Variants in ZNF627 observed in about 807,000 individuals in gnomAD.
ZNF627 encodes the protein zinc finger protein 627.
A neutral mutation model predicts 10.6 loss-of-function variants in ZNF627; 12 were observed. The observed-to-expected ratio is 1.13, with a 90% CI of 0.73 to 1.84. The LOEUF (loss-of-function observed/expected upper bound fraction) is 1.84. Among genes scored for constraint, ZNF627 ranks in the 40% most tolerant of loss-of-function variants. ZNF627 has a pLI of 0.00. For missense variants in ZNF627, 504 were observed against 568.4 expected, an observed-to-expected ratio of 0.89 and a Z score of 1.15; for synonymous variants, 176 against 187.1, an observed-to-expected ratio of 0.94 and a Z score of 0.48.
intron 1 of ZNF627, among the ~76,000 whole-genome samples, chr19:11,600,085 A>G (rs886590059): frequency 1.3e-5 from 2 of 152,186 alleles, no homozygotes; most frequent in African/African-American, 4.8e-5. Context: ...CAGTTTTGCA[A>G]AGAGGCAAGA....
rs949107495 is a variant in ZNF627, at chr19:11,617,256, T to G, written c.753T>G (p.Tyr251Ter). The change falls in exon 4 of 4, where the codon TAT becomes TAG. Residue 251 changes from tyrosine (Y) to a stop codon, truncating the protein, a stop_gained. Transcript: ENST00000361113. LOFTEE classifies it low-confidence loss of function (END_TRUNC). ...GGACTCACACTGGAGATAAACCCTA[T>G]GAATGCAAGCAGTGTGGGAAAGCTT... The part of the protein sequence containing the change: ...HERTHTGDKP[Y>*]ECKQCGKAFS... 3 of 1,613,662 alleles carry G rather than the reference T, an allele frequency of 1.9e-6. No homozygotes were observed. Among genetic ancestry groups the G allele is most frequent in the Admixed American group, 1.7e-5 (1 of 59,946 alleles).
chr19:11,609,472 TA>T (rs1973730454), intron 1 of ZNF627, among the ~76,000 whole-genome samples: 1 of 1,522 alleles, frequency 6.6e-4, no homozygotes, highest in South Asian at 0.042. Context: ...TAAAAAATTT[TA>T]TATATATATA....
chr19:11,609,515 A>ATG lies in ZNF627; in HGVS notation c.4-5011_4-5010insGT, dbSNP rs1338847516. On this transcript the variant is annotated intron_variant, in intron 1 of 3. Transcript: ENST00000361113. ...TATATATATATATATATATATATAT[A>ATG]TATGTATTTTTTCCCCCCCGAGACT... Among the ~76,000 whole-genome samples, 43 of 92,962 alleles carry ATG rather than the reference A, an allele frequency of 4.6e-4. 1 individual carries two copies. Among genetic ancestry groups the ATG allele is most frequent in the African/African-American group, 1.4e-3 (33 of 23,844 alleles). The allele number at this position is 92,962 out of a possible 152,430, so 61.0% of individuals were successfully genotyped here. A position where few individuals can be genotyped will look rare whatever the true frequency, so the allele number is the denominator to read the frequency against.
intron 1 of ZNF627, among the ~76,000 whole-genome samples, chr19:11,602,945 T>C (rs530781094): frequency 1.6e-4 from 24 of 152,306 alleles, no homozygotes; most frequent in African/African-American, 5.1e-4. Flanking sequence ...TTCTGGTATG[T>C]CCTGATCTTG....
At chr19:11,606,821 GTGGCT>G (rs1973683710) in intron 1 of ZNF627, among the ~76,000 whole-genome samples, 1 of 152,218 alleles carries the variant, frequency 6.6e-6, no homozygotes, top group South Asian at 2.1e-4. Flanking sequence ...GGCAGCTGCT[GTGGCT>G]TGGGGCTTGC....
At chr19:11,597,658 G>C in intron 1 of ZNF627, 28 bp downstream of exon 1, 1 of 1,338,220 alleles carries the variant, frequency 7.5e-7, no homozygotes. Flanking sequence ...GGCGTCCCCA[G>C]ACCTGGGGGA....
rs1973508875 is a variant in ZNF627, at chr19:11,597,552, C to T, written c.-76C>T. 1 of 1,294,804 alleles carries T rather than the reference C, an allele frequency of 7.7e-7. No homozygotes were observed. The highest frequency in any genetic ancestry group is 9.9e-7 in the Non-Finnish European group (1 of 1,011,492). The allele number at this position is 1,294,804 out of a possible 1,614,324, so 80.2% of individuals were successfully genotyped here. On this transcript the variant is annotated 5_prime_UTR_variant, in exon 1 of 4. Transcript: ENST00000361113. ...CGAGAGGCCCAAGGTGTCTCCGCCG[C>T]AGCCTCTGTCGCGCCGTGACCTGTA...
chr19:11,614,408 G>A, intron 1 of ZNF627, 119 bp from the exon 2 acceptor site: 1 of 1,488,686 alleles, frequency 6.7e-7, no homozygotes. Context: ...TGATGACTGT[G>A]GAATCTTGAA....
chr19:11,599,153 C>T (rs1401947458), intron 1 of ZNF627, among the ~76,000 whole-genome samples: 3 of 152,236 alleles, frequency 2.0e-5, no homozygotes, highest in African/African-American at 7.2e-5. Context: ...AGGATGCCCA[C>T]AGCAGCCAGA....
At chr19:11,597,718 C>A (rs1973514521) in intron 1 of ZNF627, 88 bp downstream of exon 1, 3 of 1,274,560 alleles carry the variant, frequency 2.4e-6, no homozygotes, top group African/African-American at 1.5e-5. Context: ...CCTAGGCCTC[C>A]CTGCGGCGAC....
intron 1 of ZNF627, 37 bp downstream of exon 1, chr19:11,597,667 G>T: frequency 7.5e-7 from 1 of 1,337,524 alleles, no homozygotes; most frequent in Admixed American, 3.0e-5. Context: ...AGACCTGGGG[G>T]AGGGGCTGGT....
intron 1 of ZNF627, among the ~76,000 whole-genome samples, chr19:11,609,046 T>A (rs986329707): frequency 9.9e-5 from 15 of 152,026 alleles, no homozygotes; most frequent in African/African-American, 3.6e-4. Context: ...AATATTTGTA[T>A]TTTTTGTAGA....
At chr19:11,607,453 C>G (rs1159100410) in intron 1 of ZNF627, among the ~76,000 whole-genome samples, 2 of 152,030 alleles carry the variant, frequency 1.3e-5, no homozygotes, top group African/African-American at 4.8e-5. Flanking sequence ...TTTTCTGTTC[C>G]ATTGTCAGGC....
chr19:11,614,744 C>G lies in ZNF627; in HGVS notation c.131-83C>G, dbSNP rs1292620063. 4 of 1,602,258 alleles carry G rather than the reference C, an allele frequency of 2.5e-6. No individual in the cohort carries two copies. The African/African-American group carries it at 5.4e-5, about 22-fold the overall frequency. On this transcript the variant is annotated intron_variant, in intron 2 of 3. Transcript: ENST00000361113. ...TTGGGGAATAAACCAGGCATGGGTA[C>G]AGGGAATTATGAATATAGAATCTAA...
chr19:11,610,106 C>T (rs1201373719), intron 1 of ZNF627, among the ~76,000 whole-genome samples: 3 of 138,512 alleles, frequency 2.2e-5, no homozygotes, highest in African/African-American at 8.2e-5. Flanking sequence ...GGCTGGAGTG[C>T]AGTGGCACAA....
intron 1 of ZNF627, chr19:11,604,190 G>A (rs888468256): frequency 2.0e-5 from 3 of 152,040 alleles, no homozygotes; most frequent in Non-Finnish European, 4.4e-5. Context: ...ATCAAAATTG[G>A]TAATTTTTGT....
intron 1 of ZNF627, 144 bp downstream of exon 1, chr19:11,597,774 G>A: frequency 1.1e-6 from 1 of 910,892 alleles, no homozygotes; most frequent in Non-Finnish European, 1.5e-6. Flanking sequence ...GGTGGGGCTG[G>A]GCCAGGAGCT....
rs1049399027 is a variant in ZNF627, at chr19:11,597,751, C to G, written c.3+121C>G. On this transcript the variant is annotated intron_variant, in intron 1 of 3. Coordinates refer to ENST00000361113, the MANE Select transcript of ZNF627 (RefSeq NM_145295.4). ...GACTCCGGGGTCTGGGACCCGAGTT[C>G]CCTCGGCCGCAAGGTGGGGCTGGGC... 5.4e-6 allele frequency: 6 copies of G among 1,106,004 alleles called. No individual in the cohort carries two copies. In the East Asian group the frequency reaches 9.2e-5, roughly 17 times the overall value. The allele number at this position is 1,106,004 out of a possible 1,614,324, so 68.5% of individuals were successfully genotyped here.
rs146867593 is a variant in ZNF627, at chr19:11,617,550, A to T, written c.1047A>T (p.Ser349=). The change falls in exon 4 of 4, where the codon TCA becomes TCT. Residue 349 remains serine (S), a synonymous_variant. Transcript: ENST00000361113. The part of the protein sequence containing the change: ...VCGKAFDFPS[S]FRIHERTHTG... ...GGAAAGCCTTTGATTTCCCCAGTTCATTTCGAATCCATGAAAGGACCCACA... is the reference window on the plus strand; with the variant it reads ...GGAAAGCCTTTGATTTCCCCAGTTCTTTTCGAATCCATGAAAGGACCCACA... The T allele has an allele frequency of 2.3e-4, 378 of 1,612,258 alleles. 3 individuals carry two copies. The African/African-American group carries it at 4.7e-3, about 20-fold the overall frequency.
Sources: gnomAD v4.1 joint callset for allele counts (sites outside exome capture counted in the v4.1 genomes callset) on GRCh38, gnomAD v4.1.1 for gene constraint, MANE v1.5 for transcripts, NCBI Gene and HGNC (gene_info 2026-07-23, HGNC 2026-07-21) for gene names.